TSPAN33: variants seen among roughly 807,000 people sequenced by gnomAD.
TSPAN33 encodes the protein tetraspanin 33, also known as tetraspanin-33.
Under a neutral mutation model 34.8 loss-of-function variants are expected in TSPAN33, and 27 were observed. The ratio of observed to expected loss-of-function variants is 0.78; its 90% CI spans 0.57 to 1.07. The LOEUF is 1.07. Among genes scored for constraint, TSPAN33 ranks in the 50% least tolerant of loss-of-function variants. The probability of loss-of-function intolerance (pLI) is 0.00; values close to 1 mark genes in which losing one functional copy is unlikely to be tolerated. For synonymous variants in TSPAN33, 119 were observed against 124.2 expected (o/e 0.96, Z 0.28); for missense variants, 272 against 324.9 (o/e 0.84, Z 1.25).
intron 1 of TSPAN33, among the ~76,000 whole-genome samples, chr7:129,150,583 A>G (rs1401844582): frequency 1.3e-5 from 2 of 152,202 alleles, no homozygotes; most frequent in African/African-American, 2.4e-5. Flanking sequence ...GCCGCTCACT[A>G]GCCATGTGAA....
intron 1 of TSPAN33, among the ~76,000 whole-genome samples, chr7:129,151,723 C>A (rs1212178738): frequency 5.3e-5 from 8 of 152,048 alleles, no homozygotes; most frequent in Admixed American, 5.2e-4. Flanking sequence ...GTACCTGCAA[C>A]TGCTTATCTG....
At chr7:129,163,865 C>T (rs1348471586) in intron 4 of TSPAN33, among the ~76,000 whole-genome samples, 1 of 151,966 alleles carries the variant, frequency 6.6e-6, no homozygotes, top group Non-Finnish European at 1.5e-5. Context: ...TGCTTGAACC[C>T]AGGAGAAGGA....
chr7:129,145,562 C>T (rs1210368838), intron 1 of TSPAN33, among the ~76,000 whole-genome samples: 2 of 151,274 alleles, frequency 1.3e-5, no homozygotes, highest in Non-Finnish European at 2.9e-5. Context: ...ACCCCCACCT[C>T]CACCCCCCCA....
chr7:129,153,006 C>T (rs867558354), intron 1 of TSPAN33, among the ~76,000 whole-genome samples: 14 of 144,484 alleles, frequency 9.7e-5, no homozygotes, highest in South Asian at 2.2e-4. Flanking sequence ...TGCAGTGAGC[C>T]GGAGATTGCG....
chr7:129,156,478 T>C (rs924886877), intron 1 of TSPAN33, among the ~76,000 whole-genome samples: 54 of 152,358 alleles, frequency 3.5e-4, no homozygotes, highest in African/African-American at 1.2e-3. Context: ...AGTACCTACA[T>C]GAATTATTTG....
At chr7:129,157,475 T>A (rs182314665) in intron 1 of TSPAN33, among the ~76,000 whole-genome samples, 234 of 152,272 alleles carry the variant, frequency 1.5e-3, no homozygotes, top group African/African-American at 5.4e-3. Flanking sequence ...AATAATAATA[T>A]TAAAGACTTA....
At chr7:129,145,477 A>G (rs1033670369) in intron 1 of TSPAN33, among the ~76,000 whole-genome samples, 2 of 149,710 alleles carry the variant, frequency 1.3e-5, no homozygotes, top group African/African-American at 4.9e-5. Flanking sequence ...GGAAGGAAAA[A>G]CCCAAACCTC....
Position 129,167,295 on chromosome 7 carries a change from G to T in TSPAN33, c.589-104G>T. ...CCAATATCCTCCACATATATTCTCT[G>T]ACAATTTAGGAGTTTGGGAAGGGTG... On this transcript the variant is annotated intron_variant, in intron 6 of 7. Transcript: ENST00000486685. The surrounding 1 kb of genome is among the most constrained non-coding windows in gnomAD (Gnocchi z 4.6). 7.3e-7 allele frequency: 1 copy of T among 1,364,840 alleles called. No homozygotes were observed. The allele number at this position is 1,364,840 out of a possible 1,614,324, so 84.5% of individuals were successfully genotyped here.
At chr7:129,158,779 T>A (rs1199417778) in intron 1 of TSPAN33, among the ~76,000 whole-genome samples, 2 of 152,170 alleles carry the variant, frequency 1.3e-5, no homozygotes, top group Non-Finnish European at 2.9e-5. Flanking sequence ...TGATATAGAG[T>A]CTTGCTCTGT....
rs1439877630 is a variant in TSPAN33, at chr7:129,167,673, T to C, written c.751-100T>C. 2.6e-6 allele frequency: 4 copies of C among 1,557,502 alleles called. No individual in the cohort carries two copies. On this transcript the variant is annotated intron_variant, in intron 7 of 7. Coordinates refer to ENST00000486685, the MANE Select transcript of TSPAN33 (RefSeq NM_178562.5). The surrounding 1 kb of genome is among the most constrained non-coding windows in gnomAD (Gnocchi z 4.6). ...GTCAGGCACTGACATGGCTGAGGGG[T>C]AGGGAAAGGGATAGTGCTGGCCGCA...
chr7:129,166,528 C>CA (rs1480076488), intron 5 of TSPAN33: 4 of 383,722 alleles, frequency 1.0e-5, no homozygotes, highest in Admixed American at 4.5e-5. Context: ...AATATATGTA[C>CA]AACTGTAATA....
intron 1 of TSPAN33, among the ~76,000 whole-genome samples, chr7:129,157,226 G>A (rs2694579): frequency 0.99 from 151,115 of 152,258 alleles, 75,001 homozygotes; most frequent in Middle Eastern, 1. Flanking sequence ...TGTTACTTCC[G>A]CTCTTTTGGC....
chr7:129,164,720 T>C lies in TSPAN33; in HGVS notation c.459+151T>C. ...TGGCAAAAAAGCACACGTAGCAGAG[T>C]GCTTTAAATGTACTTTTAAAGACAC... On this transcript the variant is annotated intron_variant, in intron 5 of 7. Coordinates refer to ENST00000486685, the MANE Select transcript of TSPAN33 (RefSeq NM_178562.5). 4 of 659,870 alleles carry C rather than the reference T, an allele frequency of 6.1e-6. No homozygotes were observed. The Admixed American group carries it at 9.5e-5, about 16-fold the overall frequency. 40.9% of individuals were successfully genotyped at this position (659,870 alleles called of 1,614,324 possible).
At chr7:129,156,442 G>A (rs1810665697) in intron 1 of TSPAN33, among the ~76,000 whole-genome samples, 1 of 152,198 alleles carries the variant, frequency 6.6e-6, no homozygotes, top group Non-Finnish European at 1.5e-5. Context: ...GGAGTAAGGA[G>A]TTAAGCTCTA....
intron 1 of TSPAN33, among the ~76,000 whole-genome samples, chr7:129,160,383 C>G (rs1330309322): frequency 6.6e-6 from 1 of 152,170 alleles, no homozygotes; most frequent in Non-Finnish European, 1.5e-5. Flanking sequence ...CAGAGCTTGG[C>G]CCCATCTGTT....
Position 129,167,684 on chromosome 7 carries a change from A to G in TSPAN33, c.751-89A>G. 1.3e-6 allele frequency: 2 copies of G among 1,564,426 alleles called. No individual in the cohort carries two copies. Among genetic ancestry groups the G allele is most frequent in the Non-Finnish European group, 1.8e-6 (2 of 1,140,316 alleles). The stretch of plus-strand genomic sequence containing the variant: ...ACATGGCTGAGGGGTAGGGAAAGGG[A>G]TAGTGCTGGCCGCACTGGGAAGATC... On this transcript the variant is annotated intron_variant, in intron 7 of 7. Coordinates refer to ENST00000486685, the MANE Select transcript of TSPAN33 (RefSeq NM_178562.5). The surrounding 1 kb of genome is among the most constrained non-coding windows in gnomAD (Gnocchi z 4.6).
intron 1 of TSPAN33, among the ~76,000 whole-genome samples, chr7:129,147,339 G>A (rs894707604): frequency 6.6e-6 from 1 of 152,072 alleles, no homozygotes; most frequent in Non-Finnish European, 1.5e-5. Flanking sequence ...ATCATTTTGG[G>A]GACTGTTTTC....
In TSPAN33 at chr7:129,148,512, G is replaced by A. The variant is rs1224420183; in HGVS notation, c.102+3430G>A. Among the ~76,000 whole-genome samples the A allele has an allele frequency of 6.6e-6, 1 of 152,124 alleles. No homozygotes were observed. Among genetic ancestry groups the A allele is most frequent in the Admixed American group, 6.6e-5 (1 of 15,258 alleles). ...GTGAGTGAGAGAGCAAACCCCACAG[G>A]GTAGAGGCTTGATGCCCATCCTCCC... On this transcript the variant is annotated intron_variant, in intron 1 of 7. Transcript: ENST00000486685. This position sits in a 1 kb window ranked among gnomAD's most constrained non-coding sequence, Gnocchi z 4.2.
rs1019951834 is a variant in TSPAN33 at position 129,167,430 on chromosome 7, T to C, written c.620T>C (p.Met207Thr). Residue 207 changes from methionine (M) to threonine (T), a missense_variant, in exon 7 of 8, where the codon ATG becomes ACG. Transcript: ENST00000486685. This position sits in a 1 kb window ranked among gnomAD's most constrained non-coding sequence, Gnocchi z 4.6. ...AVINTMCGQG[M>T]QAFDYLEASK... The stretch of plus-strand genomic sequence containing the variant: ...ATCAACACTATGTGTGGCCAAGGTA[T>C]GCAGGCCTTTGACTACTTGGAAGCT... 3 of 1,614,206 alleles carry C rather than the reference T, an allele frequency of 1.9e-6. No homozygotes were observed. The highest frequency in any genetic ancestry group is 4.5e-5 in the East Asian group (2 of 44,892).
Sources: allele counts gnomAD v4.1 joint callset (sites outside exome capture counted in the v4.1 genomes callset), GRCh38; gene constraint gnomAD v4.1.1; non-coding constraint Gnocchi (gnomAD v3.1); transcripts MANE v1.5; gene names NCBI Gene and HGNC (gene_info 2026-07-23, HGNC 2026-07-21).